The following SLC9A7 variants were observed in gnomAD, a reference collection of about 807,000 sequenced individuals.
SLC9A7 encodes the protein solute carrier family 9 member A7.
SLC9A7 carries 19 observed loss-of-function variants against 52.6 expected under a neutral mutation model. The observed-to-expected ratio is 0.36, with a 90% CI of 0.25 to 0.53. SLC9A7 has a LOEUF of 0.53. Ranked by LOEUF, SLC9A7 falls within the 20% of genes least tolerant of loss-of-function variation. The probability of loss-of-function intolerance (pLI) is 0.91; values close to 1 mark genes in which losing one functional copy is unlikely to be tolerated. For synonymous variants in SLC9A7, 226 were observed against 252.1 expected, an observed-to-expected ratio of 0.90 and a Z score of 0.98; for missense variants, 455 against 597.9, an observed-to-expected ratio of 0.76 and a Z score of 2.49.
intron 1 of SLC9A7, chrX:46,725,307 C>G: frequency 8.8e-7 from 1 of 1,142,403 alleles, no homozygotes; most frequent in Non-Finnish European, 1.2e-6. Flanking sequence ...AAGCTCATCA[C>G]CCAGTGCATC....
At chrX:46,732,878 G>A (rs185355646) in intron 1 of SLC9A7, among the ~76,000 whole-genome samples, 219 of 111,701 alleles carry the variant, frequency 2.0e-3, no homozygotes, top group African/African-American at 6.8e-3. Flanking sequence ...AGAATACCAC[G>A]CAGCTATGAA....
intron 7 of SLC9A7, among the ~76,000 whole-genome samples, chrX:46,655,109 C>T (rs1943655153): frequency 9.3e-6 from 1 of 107,621 alleles, no homozygotes; most frequent in East Asian, 2.9e-4. Context: ...CTCAGCCTCC[C>T]GATTAGCAGG....
chrX:46,638,127 G>A (rs1943350145), intron 12 of SLC9A7, among the ~76,000 whole-genome samples: 1 of 111,581 alleles, frequency 9.0e-6, no homozygotes, highest in Non-Finnish European at 1.9e-5. Context: ...TGAATTTCAG[G>A]GGGTTTCTGA....
At chrX:46,682,576 T>C in intron 1 of SLC9A7, 41 bp from the exon 2 acceptor site, 2 of 1,118,728 alleles carry the variant, frequency 1.8e-6, no homozygotes, top group East Asian at 3.1e-5. Flanking sequence ...TGAGGAAGGA[T>C]AGAGAAAGTG....
chrX:46,748,607 C>T (rs1236631465), intron 1 of SLC9A7, among the ~76,000 whole-genome samples: 1 of 106,215 alleles, frequency 9.4e-6, no homozygotes, highest in African/African-American at 3.4e-5. Flanking sequence ...CAGTATTATT[C>T]AGCCACAGAA....
At chrX:46,628,371 A>T (rs769526942) in intron 14 of SLC9A7, among the ~76,000 whole-genome samples, 1 of 112,418 alleles carries the variant, frequency 8.9e-6, no homozygotes, top group African/African-American at 3.2e-5. Flanking sequence ...CCTCCAGAGA[A>T]ACAAAGCACT....
chrX:46,616,475 G>A (rs1167850804), intron 15 of SLC9A7, among the ~76,000 whole-genome samples: 1 of 111,963 alleles, frequency 8.9e-6, no homozygotes, highest in Non-Finnish European at 1.9e-5. Context: ...GTAACACACT[G>A]TCATTTAAAT....
Position 46,606,411 on chromosome X carries a change from A to G in SLC9A7, c.*541T>C. 1.3e-6 allele frequency: 1 copy of G among 756,141 alleles called. No individual in the cohort carries two copies. Among genetic ancestry groups the G allele is most frequent in the Middle Eastern group, 7.5e-4 (1 of 1,329 alleles). The allele number at this position is 756,141 out of a possible 1,213,427, so 62.3% of individuals were successfully genotyped here. ...GCAGCATAAAGTCAGGAATCCTGAT[A>G]TGAGGTTGCAGTCAAGCAGACTTCG... is the stretch of plus-strand genomic sequence containing the variant. On this transcript the variant is annotated 3_prime_UTR_variant, in exon 17 of 17. Coordinates refer to ENST00000616978, the MANE Select transcript of SLC9A7 (RefSeq NM_001257291.2).
At chrX:46,757,320 G>T (rs781942246) in intron 1 of SLC9A7, among the ~76,000 whole-genome samples, 2 of 111,798 alleles carry the variant, frequency 1.8e-5, no homozygotes, top group Non-Finnish European at 3.8e-5. Flanking sequence ...CCTATAATTC[G>T]CAATCACCAA....
Position 46,697,224 on chromosome X carries a change from A to G in SLC9A7, c.326-14689T>C, listed in dbSNP as rs188225251. Among the ~76,000 whole-genome samples, 25 of 112,612 alleles carry G rather than the reference A, an allele frequency of 2.2e-4. No homozygotes were observed. The East Asian group carries it at 6.7e-3, about 30-fold the overall frequency. On this transcript the variant is annotated intron_variant, in intron 1 of 16. Transcript: ENST00000616978. ...GGATACAAAGTTTCAGTTAGGAGGA[A>G]TAAGTTCAAGAGATCTATTGGACAA... is the stretch of plus-strand genomic sequence containing the variant.
At chrX:46,641,678 G>C (rs1943408054) in intron 12 of SLC9A7, among the ~76,000 whole-genome samples, 1 of 111,618 alleles carries the variant, frequency 9.0e-6, no homozygotes, top group South Asian at 3.8e-4. Context: ...TTCATGCCAG[G>C]AAACTGAAAT....
intron 1 of SLC9A7, among the ~76,000 whole-genome samples, chrX:46,692,443 C>G (rs923511082): frequency 1.8e-5 from 2 of 111,375 alleles, no homozygotes; most frequent in South Asian, 7.6e-4. Context: ...TCCTACATAC[C>G]TAAGGCATGT....
chrX:46,613,780 G>A (rs1602133296), intron 15 of SLC9A7, among the ~76,000 whole-genome samples: 1 of 111,859 alleles, frequency 8.9e-6, no homozygotes, highest in East Asian at 2.8e-4. Context: ...GTGGGGAGTT[G>A]CAGCCCCTGT....
In SLC9A7 at chrX:46,603,858, C is replaced by CA. The variant is rs1412690102; in HGVS notation, c.*3093dup. On this transcript the variant is annotated 3_prime_UTR_variant, in exon 17 of 17. Transcript: ENST00000616978. Reference sequence around the variant, plus strand: ...CATCTAAAAACAAAACAAAACAAAACAAAAAACAAACAACAACAACACAAC... The same window carrying CA: ...CATCTAAAAACAAAACAAAACAAAACAAAAAAACAAACAACAACAACACAAC... 1 of 111,023 alleles carries CA rather than the reference C, an allele frequency of 9.0e-6. No individual in the cohort carries two copies. Among genetic ancestry groups the CA allele is most frequent in the Non-Finnish European group, 1.9e-5 (1 of 53,100 alleles). 9.1% of individuals were successfully genotyped at this position (111,023 alleles called of 1,213,427 possible).
chrX:46,713,013 A>C (rs1358016585), intron 1 of SLC9A7, among the ~76,000 whole-genome samples: 1 of 112,200 alleles, frequency 8.9e-6, no homozygotes, highest in East Asian at 2.8e-4. Flanking sequence ...TGGTGCTCTG[A>C]GTTTCTTGAT....
intron 10 of SLC9A7, among the ~76,000 whole-genome samples, chrX:46,649,070 ATATCTATC>A (rs60152703): frequency 2.9e-4 from 31 of 105,401 alleles, no homozygotes; most frequent in African/African-American, 8.5e-4. Flanking sequence ...AATTCAACTG[ATATCTATC>A]TATCTATCTA....
At chrX:46,708,912 A>C (rs1445971283) in intron 1 of SLC9A7, among the ~76,000 whole-genome samples, 1 of 111,883 alleles carries the variant, frequency 8.9e-6, no homozygotes, top group African/African-American at 3.2e-5. Flanking sequence ...GGAACATAAG[A>C]GTCAACAACA....
intron 1 of SLC9A7, among the ~76,000 whole-genome samples, chrX:46,752,961 T>C (rs1922341720): frequency 8.9e-6 from 1 of 112,419 alleles, no homozygotes; most frequent in Non-Finnish European, 1.9e-5. Context: ...AGGTTAACTT[T>C]TTAATATTCT....
At chrX:46,721,156 T>C (rs1944853701) in intron 1 of SLC9A7, among the ~76,000 whole-genome samples, 1 of 112,350 alleles carries the variant, frequency 8.9e-6, no homozygotes, top group Non-Finnish European at 1.9e-5. Context: ...AAGGTGATCT[T>C]ACAAAATTCC....
Sources: allele counts gnomAD v4.1 joint callset (sites outside exome capture counted in the v4.1 genomes callset), GRCh38; gene constraint gnomAD v4.1.1; transcripts MANE v1.5; gene names NCBI Gene and HGNC (gene_info 2026-07-23, HGNC 2026-07-21).